Variants in OR2L13 observed in about 807,000 individuals in gnomAD.
OR2L13 encodes olfactory receptor 2L13.
Under a neutral mutation model 15.3 loss-of-function variants are expected in OR2L13, and 14 were observed. The ratio of observed to expected loss-of-function variants is 0.91; its 90% CI spans 0.60 to 1.43. OR2L13 has a LOEUF of 1.43. OR2L13 is among the 40% of genes most tolerant of loss of function. The pLI, the probability that OR2L13 is intolerant of heterozygous loss-of-function variation, is 0.00. For missense variants in OR2L13, 367 were observed against 387.9 expected, an observed-to-expected ratio of 0.95 and a Z score of 0.45; for synonymous variants, 152 against 142.9, an observed-to-expected ratio of 1.06 and a Z score of -0.45.
the OR2L13 span, among the ~76,000 whole-genome samples, chr1:248,002,479 T>C: frequency 6.7e-6 from 1 of 149,138 alleles, no homozygotes; most frequent in Non-Finnish European, 1.5e-5. Context: ...AATATTTGTC[T>C]TTCTGTGACA....
chr1:247,991,068 G>A, the OR2L13 span: 96 of 1,580,352 alleles, frequency 6.1e-5, 1 homozygote, highest in South Asian at 6.0e-4. Context: ...TGCGATCTCC[G>A]ACAGAGGACA....
chr1:248,056,672 CT>C, the OR2L13 span, among the ~76,000 whole-genome samples: 934 of 135,026 alleles, frequency 6.9e-3, 17 homozygotes, highest in African/African-American at 0.023. Flanking sequence ...TTTGAGGGGG[CT>C]TTTTTTTTTT....
the OR2L13 span, among the ~76,000 whole-genome samples, chr1:247,978,880 C>T: frequency 5.1e-3 from 776 of 152,080 alleles, 5 homozygotes; most frequent in African/African-American, 0.018. Flanking sequence ...TCTTGGTGGT[C>T]CCCTGAAGAT....
chr1:248,011,565 C>G, the OR2L13 span, among the ~76,000 whole-genome samples: 1 of 152,106 alleles, frequency 6.6e-6, no homozygotes, highest in African/African-American at 2.4e-5. Flanking sequence ...GTTCCATTCT[C>G]CCCATCATTT....
the OR2L13 span, among the ~76,000 whole-genome samples, chr1:248,069,002 T>C: frequency 6.8e-4 from 104 of 152,284 alleles, no homozygotes; most frequent in African/African-American, 2.4e-3. Context: ...ATCTGATTGG[T>C]GTACCTGAAA....
chr1:248,086,674 A>G, the OR2L13 span, among the ~76,000 whole-genome samples: 1 of 152,104 alleles, frequency 6.6e-6, no homozygotes, highest in Admixed American at 6.6e-5. Context: ...TAAAGGCTAT[A>G]TTAACTCAGC....
the OR2L13 span, chr1:248,038,253 T>C: frequency 1.9e-6 from 3 of 1,552,520 alleles, no homozygotes; most frequent in African/African-American, 1.4e-5. Flanking sequence ...TCAGGATGGA[T>C]TGTAGGAATT....
At chr1:248,083,965 G>A in the OR2L13 span, 1 of 1,611,692 alleles carries the variant, frequency 6.2e-7, no homozygotes, top group Non-Finnish European at 8.5e-7. Flanking sequence ...GACAGGATGA[G>A]GGAAAAGGGG....
At chr1:248,009,816 C>A in the OR2L13 span, among the ~76,000 whole-genome samples, 5 of 152,254 alleles carry the variant, frequency 3.3e-5, no homozygotes, top group South Asian at 1.0e-3. Flanking sequence ...AACTTATCCA[C>A]CACCATCAAG....
chr1:248,006,594 G>A, the OR2L13 span, among the ~76,000 whole-genome samples: 1 of 152,028 alleles, frequency 6.6e-6, no homozygotes, highest in Non-Finnish European at 1.5e-5. Context: ...GGGAATGCGT[G>A]ATGGTCTGAG....
At chr1:248,059,307 C>T in the OR2L13 span, among the ~76,000 whole-genome samples, 100 of 152,316 alleles carry the variant, frequency 6.6e-4, no homozygotes, top group African/African-American at 2.4e-3. Flanking sequence ...TGTCTTCTAT[C>T]TGGAGTAGAG....
chr1:248,066,419 C>A, the OR2L13 span, among the ~76,000 whole-genome samples: 1 of 152,118 alleles, frequency 6.6e-6, no homozygotes, highest in Admixed American at 6.5e-5. Context: ...AACCCCACTA[C>A]TAACTTTTTT....
chr1:248,061,086 G>T, the OR2L13 span: 1 of 1,613,994 alleles, frequency 6.2e-7, no homozygotes, highest in South Asian at 1.1e-5. Context: ...CCATCCGCAT[G>T]AGCAAAAGAA....
chr1:247,953,346 A>C, the OR2L13 span, among the ~76,000 whole-genome samples: 1 of 152,170 alleles, frequency 6.6e-6, no homozygotes. Context: ...TTAGACTAGG[A>C]GATGCAAATT....
chr1:248,035,422 C>CT, the OR2L13 span: 1 of 151,814 alleles, frequency 6.6e-6, no homozygotes, highest in Non-Finnish European at 1.5e-5. Flanking sequence ...GCACTCCAGC[C>CT]TGGGTGACAG....
the OR2L13 span, among the ~76,000 whole-genome samples, chr1:247,957,521 C>T: frequency 9.2e-5 from 14 of 152,278 alleles, no homozygotes; most frequent in African/African-American, 2.4e-4. Context: ...AAGAATGGTA[C>T]GAGCTCCTCC....
the OR2L13 span, among the ~76,000 whole-genome samples, chr1:248,037,747 TG>T: frequency 6.6e-6 from 1 of 152,224 alleles, no homozygotes; most frequent in African/African-American, 2.4e-5. Context: ...TTCACTGTTT[TG>T]CTTTCCGTGG....
the OR2L13 span, chr1:247,991,036 A>G: frequency 6.5e-7 from 1 of 1,549,810 alleles, no homozygotes; most frequent in South Asian, 1.1e-5. Flanking sequence ...CTTTGCTTAT[A>G]CCTATCTACG....
chr1:248,062,326 G>A, the OR2L13 span: 5 of 152,170 alleles, frequency 3.3e-5, no homozygotes, highest in African/African-American at 9.7e-5. Flanking sequence ...CCTGTTTTGA[G>A]TTGATTTGGA....
Sources: gnomAD v4.1 joint callset for allele counts (sites outside exome capture counted in the v4.1 genomes callset) on GRCh38, gnomAD v4.1.1 for gene constraint, MANE v1.5 for transcripts, NCBI Gene and HGNC (gene_info 2026-07-23, HGNC 2026-07-21) for gene names.